The following SEMA3E variants were observed in gnomAD, a reference collection of about 807,000 sequenced individuals.
The protein encoded by SEMA3E is semaphorin 3E.
Under a neutral mutation model 93.6 loss-of-function variants are expected in SEMA3E, and 49 were observed. That is an observed-to-expected ratio of 0.52 (90% CI 0.42 to 0.66). The LOEUF (loss-of-function observed/expected upper bound fraction) is 0.66. Ranked by LOEUF, SEMA3E falls within the 30% of genes least tolerant of loss-of-function variation. The pLI is 0.00. For missense variants in SEMA3E, 906 were observed against 964.8 expected, an observed-to-expected ratio of 0.94 and a Z score of 0.81; for synonymous variants, 363 against 330.7, an observed-to-expected ratio of 1.10 and a Z score of -1.06.
intron 1 of SEMA3E, among the ~76,000 whole-genome samples, chr7:83,560,238 C>CA (rs1792000471): frequency 1.3e-5 from 2 of 152,110 alleles, no homozygotes; most frequent in Admixed American, 1.3e-4. Context: ...ATTGATGTGT[C>CA]AATGTAGGTT....
In SEMA3E at chr7:83,561,356, G is replaced by A. The variant is rs146302814; in HGVS notation, c.116-71082C>T. On this transcript the variant is annotated intron_variant, in intron 1 of 16. Coordinates refer to ENST00000643230, the MANE Select transcript of SEMA3E (RefSeq NM_012431.3). Reference sequence around the variant, plus strand: ...ATGTGCGATAAAATGTTTCCCATAGGGTTCTCCTGATTGCCTTAGAAATCT... The same window carrying A: ...ATGTGCGATAAAATGTTTCCCATAGAGTTCTCCTGATTGCCTTAGAAATCT... 1.2e-3 allele frequency among the ~76,000 whole-genome samples: 175 copies of A among 152,004 alleles called. 1 individual carries two copies. Among genetic ancestry groups the A allele is most frequent in the African/African-American group, 4.1e-3 (170 of 41,490 alleles).
intron 1 of SEMA3E, among the ~76,000 whole-genome samples, chr7:83,616,944 C>T (rs558929576): frequency 3.9e-5 from 6 of 152,150 alleles, no homozygotes; most frequent in East Asian, 3.9e-4. Flanking sequence ...AGGCTGGTCT[C>T]GAACTCCTGA....
intron 4 of SEMA3E, among the ~76,000 whole-genome samples, chr7:83,435,603 T>A (rs949555773): frequency 1.3e-5 from 2 of 151,420 alleles, no homozygotes; most frequent in Admixed American, 6.6e-5. Flanking sequence ...CCAAAAAAAA[T>A]AAAATAAATA....
rs1791866611 is a variant in SEMA3E at position 83,555,382 on chromosome 7, A to T, written c.116-65108T>A. 2.6e-5 allele frequency among the ~76,000 whole-genome samples: 4 copies of T among 152,220 alleles called. No homozygotes were observed. The South Asian group carries it at 8.3e-4, about 32-fold the overall frequency. ...TACTTTTTTCTTTTTTCTCTCTCCC[A>T]TTTAAATAGGCTTAAAAAATAAAGC... On this transcript the variant is annotated intron_variant, in intron 1 of 16. Coordinates refer to ENST00000643230, the MANE Select transcript of SEMA3E (RefSeq NM_012431.3).
At chr7:83,611,518 A>G (rs1487076544) in intron 1 of SEMA3E, among the ~76,000 whole-genome samples, 3 of 150,526 alleles carry the variant, frequency 2.0e-5, no homozygotes, top group African/African-American at 7.3e-5. Context: ...CTTCATATTT[A>G]TACTTGCTCC....
At chr7:83,532,327 A>G (rs1791319080) in intron 1 of SEMA3E, among the ~76,000 whole-genome samples, 1 of 152,212 alleles carries the variant, frequency 6.6e-6, no homozygotes, top group Non-Finnish European at 1.5e-5. Flanking sequence ...CCAGAACTGA[A>G]TATTCTCAAA....
intron 4 of SEMA3E, among the ~76,000 whole-genome samples, chr7:83,456,615 TTTATTTA>T (rs1056544631): frequency 5.6e-3 from 43 of 7,614 alleles, no homozygotes; most frequent in East Asian, 0.5. Flanking sequence ...TATTTATTTA[TTTATTTA>T]TTATTTTTGA....
intron 8 of SEMA3E, 50 bp from the exon 9 acceptor site, chr7:83,405,569 C>G: frequency 6.7e-7 from 1 of 1,493,776 alleles, no homozygotes; most frequent in Non-Finnish European, 9.3e-7. Context: ...GCTCTCTTTG[C>G]ATGCAAAGAA....
chr7:83,507,809 G>A (rs1790735697), intron 1 of SEMA3E, among the ~76,000 whole-genome samples: 1 of 151,882 alleles, frequency 6.6e-6, no homozygotes, highest in African/African-American at 2.4e-5. Flanking sequence ...AAAAATGCCA[G>A]GCATGGTGGT....
At chr7:83,379,633 G>A (rs1402675688) in intron 16 of SEMA3E, among the ~76,000 whole-genome samples, 1 of 151,574 alleles carries the variant, frequency 6.6e-6, no homozygotes, top group Non-Finnish European at 1.5e-5. Context: ...ACTCTCTAAG[G>A]TAAGCTATAC....
intron 11 of SEMA3E, among the ~76,000 whole-genome samples, chr7:83,398,518 A>G (rs1056547517): frequency 6.6e-6 from 1 of 152,240 alleles, no homozygotes; most frequent in African/African-American, 2.4e-5. Context: ...GACACCGTTA[A>G]TCATGAACCC....
intron 1 of SEMA3E, among the ~76,000 whole-genome samples, chr7:83,571,384 T>A (rs1792283725): frequency 6.6e-6 from 1 of 152,338 alleles, no homozygotes; most frequent in South Asian, 2.1e-4. Flanking sequence ...AATGATCAAG[T>A]AGGCTTTATT....
intron 14 of SEMA3E, among the ~76,000 whole-genome samples, chr7:83,388,016 A>G (rs1369930769): frequency 6.8e-6 from 1 of 147,880 alleles, no homozygotes; most frequent in Non-Finnish European, 1.5e-5. Context: ...TTTTGAATAT[A>G]TATAAAAACA....
chr7:83,396,643 A>C lies in SEMA3E; in HGVS notation c.1453T>G (p.Phe485Val), dbSNP rs1255899609. 1 of 1,595,368 alleles carries C rather than the reference A, an allele frequency of 6.3e-7. No individual in the cohort carries two copies. The highest frequency in any genetic ancestry group is 1.3e-5 in the African/African-American group (1 of 74,592). ...EEVILEELQI[F>V]KDPVPIISME... The stretch of plus-strand genomic sequence containing the variant: ...GTATTTTTTGCTTTAAATACCTTGA[A>C]TATCTGAAGTTCTTCTAGAATTACT... The change falls in exon 12 of 17, where the codon TTC becomes GTC. Residue 485 changes from phenylalanine (F) to valine (V), a missense_variant. By Grantham distance (50) the Phe-to-Val change is conservative. Transcript: ENST00000643230.
chr7:83,564,959 AAAG>A (rs1360172041), intron 1 of SEMA3E, among the ~76,000 whole-genome samples: 3 of 152,184 alleles, frequency 2.0e-5, no homozygotes, highest in Non-Finnish European at 4.4e-5. Context: ...CCAGACTAAT[AAAG>A]AAGAAAAGAG....
intron 4 of SEMA3E, among the ~76,000 whole-genome samples, chr7:83,424,182 G>GATT (rs1157912202): frequency 1.3e-5 from 2 of 152,134 alleles, no homozygotes; most frequent in Non-Finnish European, 2.9e-5. Context: ...GACAACGTCA[G>GATT]ATTAGATTGT....
chr7:83,609,755 CTTGT>C (rs1023327741), intron 1 of SEMA3E, among the ~76,000 whole-genome samples: 4 of 151,910 alleles, frequency 2.6e-5, no homozygotes, highest in African/African-American at 7.2e-5. Context: ...TTGCATAAAA[CTTGT>C]TTATCACTTT....
At chr7:83,389,470 C>T (rs1327363929) in intron 14 of SEMA3E, among the ~76,000 whole-genome samples, 4 of 125,112 alleles carry the variant, frequency 3.2e-5, no homozygotes, top group South Asian at 2.4e-4. Context: ...GCAAAAATAT[C>T]GCTGAAAGTT....
chr7:83,520,033 A>G (rs192699444), intron 1 of SEMA3E, among the ~76,000 whole-genome samples: 1 of 152,194 alleles, frequency 6.6e-6, no homozygotes, highest in African/African-American at 2.4e-5. Context: ...TAATGTGTAC[A>G]TTACAAATAA....
Sources: allele counts gnomAD v4.1 joint callset (sites outside exome capture counted in the v4.1 genomes callset), GRCh38; gene constraint gnomAD v4.1.1; transcripts MANE v1.5; gene names NCBI Gene and HGNC (gene_info 2026-07-23, HGNC 2026-07-21).